IL1RAPL1: variants seen among roughly 807,000 people sequenced by gnomAD.
The protein encoded by IL1RAPL1 is interleukin 1 receptor accessory protein like 1, also known as interleukin-1 receptor accessory protein-like 1.
In IL1RAPL1, 3 loss-of-function variants were observed where a neutral mutation model predicts 48.4. The ratio of observed to expected loss-of-function variants is 0.06; its 90% CI spans 0.03 to 0.16. IL1RAPL1 has a LOEUF of 0.16. Ranked by LOEUF, IL1RAPL1 falls within the 10% of genes least tolerant of loss-of-function variation. IL1RAPL1 has a pLI of 1.00. For synonymous variants in IL1RAPL1, 185 were observed against 187.7 expected (o/e 0.99, Z 0.12); for missense variants, 349 against 530.6 (o/e 0.66, Z 3.36).
At chrX:29,089,848 A>G (rs1278177411) in intron 2 of IL1RAPL1, among the ~76,000 whole-genome samples, 3 of 91,504 alleles carry the variant, frequency 3.3e-5, no homozygotes, top group Admixed American at 2.6e-4. Flanking sequence ...GTTTTGCCCA[A>G]AGCTGATAGT....
intron 6 of IL1RAPL1, among the ~76,000 whole-genome samples, chrX:29,750,365 C>A (rs767774377): frequency 1.6e-4 from 18 of 111,477 alleles, no homozygotes; most frequent in African/African-American, 5.5e-4. Flanking sequence ...GTTTGGGAAA[C>A]AAATAATTGT....
chrX:29,850,572 C>A (rs1931343012), intron 6 of IL1RAPL1, among the ~76,000 whole-genome samples: 1 of 112,477 alleles, frequency 8.9e-6, no homozygotes, highest in African/African-American at 3.2e-5. Context: ...ACCACCCTCT[C>A]CCCTGCTGGA....
chrX:29,658,477 G>A (rs141794522), intron 5 of IL1RAPL1, among the ~76,000 whole-genome samples: 9,159 of 111,846 alleles, frequency 0.082, 308 homozygotes, highest in Middle Eastern at 0.2. Flanking sequence ...GCAACGAAAT[G>A]TAAATTCCGT....
chrX:28,647,859 A>G (rs779352973), intron 1 of IL1RAPL1, among the ~76,000 whole-genome samples: 1 of 112,019 alleles, frequency 8.9e-6, no homozygotes, highest in Non-Finnish European at 1.9e-5. Context: ...GCAGAAATGT[A>G]TGCCTGGTTC....
At chrX:29,934,977 G>A (rs1329898127) in intron 8 of IL1RAPL1, among the ~76,000 whole-genome samples, 1 of 111,284 alleles carries the variant, frequency 9.0e-6, no homozygotes. Flanking sequence ...CTTTAATCTG[G>A]TATGGTTCCT....
At chrX:28,914,037 A>G (rs1015564781) in intron 2 of IL1RAPL1, among the ~76,000 whole-genome samples, 2 of 111,662 alleles carry the variant, frequency 1.8e-5, no homozygotes, top group African/African-American at 6.5e-5. Context: ...CAGAAAACTC[A>G]AGTAGATACA....
chrX:29,927,414 A>G (rs1410441379), intron 8 of IL1RAPL1, among the ~76,000 whole-genome samples: 2 of 111,794 alleles, frequency 1.8e-5, no homozygotes, highest in Non-Finnish European at 3.8e-5. Flanking sequence ...AACACCTTTG[A>G]ACCTATTTGA....
chrX:28,933,887 G>T (rs1175387658), intron 2 of IL1RAPL1, among the ~76,000 whole-genome samples: 1 of 111,765 alleles, frequency 8.9e-6, no homozygotes, highest in African/African-American at 3.3e-5. Flanking sequence ...TGTTGCCATG[G>T]CATTTGTAAA....
intron 5 of IL1RAPL1, among the ~76,000 whole-genome samples, chrX:29,655,383 C>T (rs1925646058): frequency 8.9e-6 from 1 of 111,802 alleles, no homozygotes; most frequent in South Asian, 3.7e-4. Context: ...AATCTACAGG[C>T]TGGGCCTGGT....
chrX:29,465,725 T>TAA (rs974045857), intron 5 of IL1RAPL1, among the ~76,000 whole-genome samples: 2 of 111,255 alleles, frequency 1.8e-5, no homozygotes, highest in African/African-American at 6.6e-5. Flanking sequence ...TTTAATTAGG[T>TAA]AGTTCTCAAA....
At chrX:29,925,448 T>G (rs530564101) in intron 8 of IL1RAPL1, among the ~76,000 whole-genome samples, 2 of 44,684 alleles carry the variant, frequency 4.5e-5, no homozygotes, top group South Asian at 2.6e-3. Context: ...TTTTTTTTGC[T>G]GGGGGGGGCT....
chrX:29,686,857 C>T (rs1296219977), intron 6 of IL1RAPL1, among the ~76,000 whole-genome samples: 1 of 110,374 alleles, frequency 9.1e-6, no homozygotes, highest in African/African-American at 3.3e-5. Context: ...CGTGCCCAGC[C>T]TAAAGTTTAA....
At chrX:29,036,913 T>C (rs1926743441) in intron 2 of IL1RAPL1, among the ~76,000 whole-genome samples, 1 of 111,971 alleles carries the variant, frequency 8.9e-6, no homozygotes, top group African/African-American at 3.2e-5. Flanking sequence ...GCAATATCTA[T>C]TGAGTTCTGT....
chrX:29,453,818 G>T lies in IL1RAPL1; in HGVS notation c.703+54510G>T, dbSNP rs750719295. Among the ~76,000 whole-genome samples the T allele has an allele frequency of 4.5e-5, 5 of 112,181 alleles. No homozygotes were observed. In the South Asian group the frequency reaches 1.8e-3, roughly 41 times the overall value. ...ATTTAAAGGAATTTTGAAAAAACGT[G>T]CACTATCTCCCATATTTCAACTATA... On this transcript the variant is annotated intron_variant, in intron 5 of 10. Transcript: ENST00000378993.
intron 2 of IL1RAPL1, among the ~76,000 whole-genome samples, chrX:29,088,488 C>A (rs1300985021): frequency 9.2e-6 from 1 of 108,869 alleles, no homozygotes; most frequent in East Asian, 2.9e-4. Flanking sequence ...CCAGCCTGGC[C>A]AACATGGTGA....
intron 1 of IL1RAPL1, among the ~76,000 whole-genome samples, chrX:28,713,636 A>G (rs1161670237): frequency 9.0e-6 from 1 of 111,113 alleles, no homozygotes; most frequent in Non-Finnish European, 1.9e-5. Flanking sequence ...CATTTTCGAA[A>G]AAATGCCCCT....
intron 6 of IL1RAPL1, among the ~76,000 whole-genome samples, chrX:29,688,132 T>G (rs1438552240): frequency 8.9e-6 from 1 of 112,211 alleles, no homozygotes; most frequent in East Asian, 2.8e-4. Flanking sequence ...AAAGTTATCT[T>G]TATATCTATG....
intron 6 of IL1RAPL1, among the ~76,000 whole-genome samples, chrX:29,670,116 T>C (rs1926103365): frequency 9.0e-6 from 1 of 111,628 alleles, no homozygotes; most frequent in Non-Finnish European, 1.9e-5. Flanking sequence ...TGGTTGATTG[T>C]TGCCCATTGG....
intron 5 of IL1RAPL1, among the ~76,000 whole-genome samples, chrX:29,403,287 T>C (rs1934017083): frequency 8.9e-6 from 1 of 111,972 alleles, no homozygotes; most frequent in Non-Finnish European, 1.9e-5. Flanking sequence ...ATTACAGTTT[T>C]GGTCATTAAG....
Sources: gnomAD v4.1 joint callset for allele counts (sites outside exome capture counted in the v4.1 genomes callset) on GRCh38, gnomAD v4.1.1 for gene constraint, MANE v1.5 for transcripts, NCBI Gene and HGNC (gene_info 2026-07-23, HGNC 2026-07-21) for gene names.